TMEM132D: variants seen among roughly 807,000 people sequenced by gnomAD.
TMEM132D encodes transmembrane protein 132D, also known as mature OL transmembrane protein.
A neutral mutation model predicts 62.3 loss-of-function variants in TMEM132D; 21 were observed. That is an observed-to-expected ratio of 0.34 (90% confidence interval 0.24 to 0.49). The LOEUF is 0.49. Among genes scored for constraint, TMEM132D ranks in the 20% least tolerant of loss-of-function variants. TMEM132D has a pLI of 0.99. For missense variants in TMEM132D, 1,346 were observed against 1,402.8 expected (o/e 0.96, Z 0.65); for synonymous variants, 621 against 575.6 (o/e 1.08, Z -1.13).
intron 4 of TMEM132D, among the ~76,000 whole-genome samples, chr12:129,242,845 T>C (rs1271246974): frequency 6.6e-6 from 1 of 152,218 alleles, no homozygotes; most frequent in Admixed American, 6.5e-5. Flanking sequence ...TAAACTGTTA[T>C]TGAGCTCTTC....
intron 3 of TMEM132D, among the ~76,000 whole-genome samples, chr12:129,357,198 G>T (rs1405174532): frequency 1.4e-5 from 2 of 147,668 alleles, no homozygotes; most frequent in Admixed American, 1.4e-4. Flanking sequence ...AGTGAGCTGA[G>T]ATTGTACCAC....
chr12:129,622,613 G>A (rs2137160557), intron 2 of TMEM132D, among the ~76,000 whole-genome samples: 1 of 152,274 alleles, frequency 6.6e-6, no homozygotes, highest in Non-Finnish European at 1.5e-5. Flanking sequence ...CCTCTGCTCT[G>A]AACTCTACTA....
chr12:129,719,722 T>G (rs914532277), intron 1 of TMEM132D, among the ~76,000 whole-genome samples: 5 of 152,252 alleles, frequency 3.3e-5, no homozygotes, highest in Non-Finnish European at 7.3e-5. Context: ...GGCCTTCAGC[T>G]CCGCAGTGAA....
At chr12:129,758,075 T>G (rs1042187913) in intron 1 of TMEM132D, among the ~76,000 whole-genome samples, 1 of 152,068 alleles carries the variant, frequency 6.6e-6, no homozygotes, top group African/African-American at 2.4e-5. Context: ...GCTAATTATT[T>G]TGTATTTTTA....
At chr12:129,494,809 C>A (rs563610791) in intron 3 of TMEM132D, among the ~76,000 whole-genome samples, 2 of 152,160 alleles carry the variant, frequency 1.3e-5, no homozygotes, top group Admixed American at 6.5e-5. Flanking sequence ...TACCTCTCTG[C>A]CCTCTTTTCC....
chr12:129,843,983 T>G (rs907394250), intron 1 of TMEM132D, among the ~76,000 whole-genome samples: 3 of 151,932 alleles, frequency 2.0e-5, no homozygotes, highest in Admixed American at 2.0e-4. Context: ...TGCCTGTAGT[T>G]ATAACTACAT....
intron 3 of TMEM132D, among the ~76,000 whole-genome samples, chr12:129,420,634 A>G (rs1872291170): frequency 6.6e-6 from 1 of 152,002 alleles, no homozygotes; most frequent in African/African-American, 2.4e-5. Flanking sequence ...CAAATAATTA[A>G]CCCCACTGCC....
chr12:129,474,496 A>G (rs1243241262), intron 3 of TMEM132D, among the ~76,000 whole-genome samples: 1 of 152,226 alleles, frequency 6.6e-6, no homozygotes, highest in African/African-American at 2.4e-5. Context: ...AGTTCACAAC[A>G]TCGCAGTCTG....
At chr12:129,541,816 T>G (rs1333773762) in intron 2 of TMEM132D, among the ~76,000 whole-genome samples, 2 of 152,130 alleles carry the variant, frequency 1.3e-5, no homozygotes, top group Non-Finnish European at 2.9e-5. Context: ...GAAAATCAAT[T>G]TTAGCTATGA....
At chr12:129,390,259 C>T (rs536734064) in intron 3 of TMEM132D, among the ~76,000 whole-genome samples, 24 of 152,190 alleles carry the variant, frequency 1.6e-4, no homozygotes, top group Non-Finnish European at 2.9e-4. Flanking sequence ...AACACTGCTC[C>T]ACCCTTCCAT....
At chr12:129,343,820 C>T (rs963161688) in intron 3 of TMEM132D, among the ~76,000 whole-genome samples, 1 of 151,394 alleles carries the variant, frequency 6.6e-6, no homozygotes, top group African/African-American at 2.4e-5. Context: ...GCCTGTAATC[C>T]CAGGGGAGGC....
At chr12:129,137,430 C>T (rs1344533739) in intron 5 of TMEM132D, among the ~76,000 whole-genome samples, 1 of 152,154 alleles carries the variant, frequency 6.6e-6, no homozygotes, top group Non-Finnish European at 1.5e-5. Flanking sequence ...AACTGAGGGT[C>T]AGGGAGGCTA....
intron 2 of TMEM132D, among the ~76,000 whole-genome samples, chr12:129,641,146 C>T (rs752946781): frequency 5.3e-5 from 8 of 152,120 alleles, no homozygotes; most frequent in Non-Finnish European, 1.0e-4. Flanking sequence ...CCCCACCCTG[C>T]CCCGGTCCAT....
chr12:129,622,084 G>A (rs1016068315), intron 2 of TMEM132D, among the ~76,000 whole-genome samples: 3 of 152,158 alleles, frequency 2.0e-5, no homozygotes, highest in African/African-American at 4.8e-5. Context: ...GTAGGTACGT[G>A]GGGGAACTCT....
intron 2 of TMEM132D, among the ~76,000 whole-genome samples, chr12:129,615,356 G>T (rs1174168984): frequency 6.6e-6 from 1 of 151,926 alleles, no homozygotes; most frequent in Non-Finnish European, 1.5e-5. Flanking sequence ...TTAGGTGAAA[G>T]GTTACAAAAG....
chr12:129,197,328 G>A (rs541303122), intron 5 of TMEM132D, among the ~76,000 whole-genome samples: 30 of 152,260 alleles, frequency 2.0e-4, no homozygotes, highest in Non-Finnish European at 1.3e-4. Context: ...TCTAGAAGAT[G>A]AGCGATAGAG....
intron 1 of TMEM132D, among the ~76,000 whole-genome samples, chr12:129,758,807 G>C (rs1457432140): frequency 6.6e-6 from 1 of 152,166 alleles, no homozygotes; most frequent in Non-Finnish European, 1.5e-5. Context: ...TGGAAGCTCA[G>C]AGAAATACTG....
chr12:129,889,367 G>T (rs1048862047), intron 1 of TMEM132D, among the ~76,000 whole-genome samples: 1 of 152,140 alleles, frequency 6.6e-6, no homozygotes, highest in Non-Finnish European at 1.5e-5. Context: ...CCCACATCTG[G>T]ATGTTAAATG....
intron 3 of TMEM132D, among the ~76,000 whole-genome samples, chr12:129,475,777 G>A (rs189581423): frequency 3.2e-4 from 49 of 152,332 alleles, no homozygotes; most frequent in African/African-American, 7.5e-4. Context: ...GGTCTGCACC[G>A]TGTAAAGACA....
Sources: gnomAD v4.1 joint callset for allele counts (sites outside exome capture counted in the v4.1 genomes callset) on GRCh38, gnomAD v4.1.1 for gene constraint, MANE v1.5 for transcripts, NCBI Gene and HGNC (gene_info 2026-07-23, HGNC 2026-07-21) for gene names.